TTL: variants seen among roughly 807,000 people sequenced by gnomAD.
TTL encodes the protein tubulin--tyrosine ligase.
In TTL, 10 loss-of-function variants were observed where a neutral mutation model predicts 41.1. That is an observed-to-expected ratio of 0.24 (90% confidence interval 0.15 to 0.41). The LOEUF (loss-of-function observed/expected upper bound fraction) is 0.41. Ranked by LOEUF, TTL falls within the 10% of genes least tolerant of loss-of-function variation. The probability of loss-of-function intolerance (pLI) is 1.00; values close to 1 mark genes in which losing one functional copy is unlikely to be tolerated. For synonymous variants in TTL, 175 were observed against 175.5 expected (o/e 1.00, Z 0.02); for missense variants, 367 against 460.4 (o/e 0.80, Z 1.86).
intron 3 of TTL, among the ~76,000 whole-genome samples, chr2:112,498,070 T>C (rs1321987712): frequency 6.6e-6 from 1 of 152,180 alleles, no homozygotes; most frequent in African/African-American, 2.4e-5. Context: ...ACACCTGTAA[T>C]CCCAGCACTT....
intron 6 of TTL, chr2:112,520,684 C>T (rs1406422584): frequency 4.8e-6 from 2 of 416,176 alleles, no homozygotes; most frequent in Non-Finnish European, 8.8e-6. Context: ...GACAGGTAGA[C>T]TGTCAGGTAG....
chr2:112,529,640 T>A lies in TTL; in HGVS notation c.*845T>A. 8.8e-6 allele frequency: 2 copies of A among 226,040 alleles called. No homozygotes were observed. The highest frequency in any genetic ancestry group is 1.3e-4 in the East Asian group (2 of 15,586). The allele number at this position is 226,040 out of a possible 1,614,324, so 14.0% of individuals were successfully genotyped here. A position where few individuals can be genotyped will look rare whatever the true frequency, so the allele number is the denominator to read the frequency against. ...TTTTTTTTCTTTTTTTACTTTTTTT[T>A]AAACGTTTGTAAAAACCTCTTTGAG... is the stretch of plus-strand genomic sequence containing the variant. On this transcript the variant is annotated 3_prime_UTR_variant, in exon 7 of 7. Coordinates refer to ENST00000233336, the MANE Select transcript of TTL (RefSeq NM_153712.5).
intron 5 of TTL, among the ~76,000 whole-genome samples, chr2:112,512,689 G>A (rs777918867): frequency 1.3e-5 from 2 of 152,112 alleles, no homozygotes; most frequent in Non-Finnish European, 2.9e-5. Flanking sequence ...GAGCCATCTC[G>A]CCCGGCCCTG....
In TTL at chr2:112,519,288, C is replaced by T. The variant is rs188554688; in HGVS notation, c.876-994C>T. 2.4e-3 allele frequency among the ~76,000 whole-genome samples: 372 copies of T among 152,246 alleles called. 3 individuals carry two copies. Among genetic ancestry groups the T allele is most frequent in the Non-Finnish European group, 2.9e-3 (198 of 68,020 alleles). ...TAGGTGCCAGGAGTTATGACAAGTTCCTTATGTAATTATCTCACTGAACAA... is the reference window on the plus strand; with the variant it reads ...TAGGTGCCAGGAGTTATGACAAGTTTCTTATGTAATTATCTCACTGAACAA... On this transcript the variant is annotated intron_variant, in intron 5 of 6. Transcript: ENST00000233336.
chr2:112,523,759 A>C (rs1236507809), intron 6 of TTL, among the ~76,000 whole-genome samples: 17 of 101,716 alleles, frequency 1.7e-4, no homozygotes, highest in Non-Finnish European at 3.0e-4. Context: ...CTGTATATAC[A>C]GTGGCAACCA....
chr2:112,516,878 G>A (rs889274991), intron 5 of TTL, among the ~76,000 whole-genome samples: 1 of 152,110 alleles, frequency 6.6e-6, no homozygotes, highest in Non-Finnish European at 1.5e-5. Flanking sequence ...TAGGTGGTTG[G>A]AATTCTGACA....
chr2:112,533,876 A>G lies in TTL; in HGVS notation c.*5081A>G, dbSNP rs755482393. The stretch of plus-strand genomic sequence containing the variant: ...AATGAACCCCTCTCCAATGCAATAC[A>G]TAGTAGCAGAACTTGAAGATTGTTG... On this transcript the variant is annotated 3_prime_UTR_variant, in exon 7 of 7. Transcript: ENST00000233336. 6.6e-6 allele frequency: 1 copy of G among 152,246 alleles called. No individual in the cohort carries two copies. Among genetic ancestry groups the G allele is most frequent in the South Asian group, 2.1e-4 (1 of 4,832 alleles). 9.4% of individuals were successfully genotyped at this position (152,246 alleles called of 1,614,324 possible). A position where few individuals can be genotyped will look rare whatever the true frequency, so the allele number is the denominator to read the frequency against.
At chr2:112,526,302 A>C (rs1454430169) in intron 6 of TTL, among the ~76,000 whole-genome samples, 1 of 152,210 alleles carries the variant, frequency 6.6e-6, no homozygotes, top group Non-Finnish European at 1.5e-5. Context: ...CTGGCCTCAT[A>C]AAATGAGTTA....
At position 112,503,017 on chromosome 2, in the gene TTL, C is replaced by T; in HGVS notation, c.711C>T (p.Thr237=). 2 of 1,613,988 alleles carry T rather than the reference C, an allele frequency of 1.2e-6. No homozygotes were observed. The highest frequency in any genetic ancestry group is 2.2e-5 in the East Asian group (1 of 44,870). ...ATGTTGATAATTTCCAAGACAAAAC[C>T]TGCCATTTGACCAATCACTGCATTC... ...PYHVDNFQDK[T]CHLTNHCIQK... Residue 237 remains threonine, a synonymous_variant, in exon 5 of 7, where the codon ACC becomes ACT. Coordinates refer to ENST00000233336, the MANE Select transcript of TTL (RefSeq NM_153712.5).
Position 112,529,632 on chromosome 2 carries a change from C to CT in TTL, c.*845dup, listed in dbSNP as rs1340841345. ...AGTTCCCTTTTTTTTTCTTTTTTTA[C>CT]TTTTTTTTAAACGTTTGTAAAAACC... On this transcript the variant is annotated 3_prime_UTR_variant, in exon 7 of 7. Transcript: ENST00000233336. 3.1e-5 allele frequency: 7 copies of CT among 222,270 alleles called. No individual in the cohort carries two copies. Among genetic ancestry groups the CT allele is most frequent in the Non-Finnish European group, 3.6e-5 (4 of 111,926 alleles). 13.8% of individuals were successfully genotyped at this position (222,270 alleles called of 1,614,324 possible).
intron 6 of TTL, among the ~76,000 whole-genome samples, chr2:112,528,140 C>T (rs918164488): frequency 6.6e-6 from 1 of 151,998 alleles, no homozygotes; most frequent in African/African-American, 2.4e-5. Flanking sequence ...GAATATTGGC[C>T]CCCACTCTCT....
chr2:112,496,792 C>T (rs1162273735), intron 3 of TTL, among the ~76,000 whole-genome samples: 2 of 148,866 alleles, frequency 1.3e-5, no homozygotes, highest in Non-Finnish European at 3.0e-5. Context: ...ACTACAGCCT[C>T]GACTTCCTGG....
At chr2:112,517,090 C>T (rs1168101925) in intron 5 of TTL, among the ~76,000 whole-genome samples, 6 of 145,452 alleles carry the variant, frequency 4.1e-5, no homozygotes, top group African/African-American at 5.2e-5. Context: ...AAAAAAGATG[C>T]ACTGTATAAG....
chr2:112,492,717 G>A (rs1460371551), intron 2 of TTL, among the ~76,000 whole-genome samples: 4 of 150,474 alleles, frequency 2.7e-5, no homozygotes, highest in South Asian at 4.2e-4. Context: ...GCGACAGAGC[G>A]AGACTCCATC....
At chr2:112,517,336 C>A (rs577697528) in intron 5 of TTL, among the ~76,000 whole-genome samples, 1 of 152,154 alleles carries the variant, frequency 6.6e-6, no homozygotes, top group African/African-American at 2.4e-5. Flanking sequence ...CAACCTCTGC[C>A]TCCCGGGTTT....
In TTL at chr2:112,529,795, G is replaced by A. The variant is rs1200393353; in HGVS notation, c.*1000G>A. 1 of 221,212 alleles carries A rather than the reference G, an allele frequency of 4.5e-6. No individual in the cohort carries two copies. Among genetic ancestry groups the A allele is most frequent in the Admixed American group, 5.8e-5 (1 of 17,366 alleles). The allele number at this position is 221,212 out of a possible 1,614,324, so 13.7% of individuals were successfully genotyped here. A position where few individuals can be genotyped will look rare whatever the true frequency, so the allele number is the denominator to read the frequency against. Reference sequence around the variant, plus strand: ...GCTAGAGGGACAGGTTTCCTTCCAGGAAGGATTCGAGTTCCTGTGCCTGTG... The same window carrying A: ...GCTAGAGGGACAGGTTTCCTTCCAGAAAGGATTCGAGTTCCTGTGCCTGTG... On this transcript the variant is annotated 3_prime_UTR_variant, in exon 7 of 7. Coordinates refer to ENST00000233336, the MANE Select transcript of TTL (RefSeq NM_153712.5).
At position 112,482,335 on chromosome 2, in the gene TTL, G is replaced by C. The variant is rs754760667; in HGVS notation, c.-10G>C. ...GGCTGCCCGGCGGCCCGGGCGCGCG[G>C]CGCTTCGCCATGTACACCTTCGTGG... is the stretch of plus-strand genomic sequence containing the variant. On this transcript the variant is annotated 5_prime_UTR_variant, in exon 1 of 7. Coordinates refer to ENST00000233336, the MANE Select transcript of TTL (RefSeq NM_153712.5). The surrounding 1 kb of genome is among the most constrained non-coding windows in gnomAD (Gnocchi z 5.3). The C allele has an allele frequency of 6.7e-7, 1 of 1,502,568 alleles. No homozygotes were observed. Among genetic ancestry groups the C allele is most frequent in the South Asian group, 1.2e-5 (1 of 80,868 alleles). 93.1% of individuals were successfully genotyped at this position (1,502,568 alleles called of 1,614,324 possible).
At position 112,530,789 on chromosome 2, in the gene TTL, G is replaced by A. The variant is rs1191694801; in HGVS notation, c.*1994G>A. ...TCTTGATGGATTTTCTGAGAAACCT[G>A]ACTCAATGGCATATATAAGAGGGAA... On this transcript the variant is annotated 3_prime_UTR_variant, in exon 7 of 7. Coordinates refer to ENST00000233336, the MANE Select transcript of TTL (RefSeq NM_153712.5). The A allele has an allele frequency of 5.0e-6, 1 of 198,316 alleles. No individual in the cohort carries two copies. The highest frequency in any genetic ancestry group is 1.0e-5 in the Non-Finnish European group (1 of 96,020). 12.3% of individuals were successfully genotyped at this position (198,316 alleles called of 1,614,324 possible). A position where few individuals can be genotyped will look rare whatever the true frequency, so the allele number is the denominator to read the frequency against.
Position 112,533,354 on chromosome 2 carries a change from G to C in TTL, c.*4559G>C, listed in dbSNP as rs1682545408. The C allele has an allele frequency of 6.6e-6, 1 of 152,278 alleles. No individual in the cohort carries two copies. Among genetic ancestry groups the C allele is most frequent in the Non-Finnish European group, 1.5e-5 (1 of 68,102 alleles). The allele number at this position is 152,278 out of a possible 1,614,324, so 9.4% of individuals were successfully genotyped here. A position where few individuals can be genotyped will look rare whatever the true frequency, so the allele number is the denominator to read the frequency against. ...GACCCTGAGAGTGGACAGGCCCAAA[G>C]CCTTTGGAAGACTTCTCTTAAAGAC... is the stretch of plus-strand genomic sequence containing the variant. On this transcript the variant is annotated 3_prime_UTR_variant, in exon 7 of 7. Transcript: ENST00000233336.
Sources: allele counts gnomAD v4.1 joint callset (sites outside exome capture counted in the v4.1 genomes callset), GRCh38; gene constraint gnomAD v4.1.1; non-coding constraint Gnocchi (gnomAD v3.1); transcripts MANE v1.5; gene names NCBI Gene and HGNC (gene_info 2026-07-23, HGNC 2026-07-21).